The following SGCD variants were observed in gnomAD, a reference collection of about 807,000 sequenced individuals.
SGCD encodes sarcoglycan delta.
SGCD carries 18 observed loss-of-function variants against 36.6 expected under a neutral mutation model. The observed-to-expected ratio is 0.49, with a 90% CI of 0.34 to 0.73. The LOEUF (loss-of-function observed/expected upper bound fraction) is 0.73. Among genes scored for constraint, SGCD ranks in the 30% least tolerant of loss-of-function variants. The pLI is 0.01. For synonymous variants in SGCD, 133 were observed against 130.6 expected (o/e 1.02, Z -0.12); for missense variants, 387 against 346.7 (o/e 1.12, Z -0.92).
chr5:156,003,335 G>A (rs1758698985), intron 1 of SGCD, among the ~76,000 whole-genome samples: 1 of 152,226 alleles, frequency 6.6e-6, no homozygotes, highest in Non-Finnish European at 1.5e-5. Flanking sequence ...ATAAAAGCTA[G>A]ATAGGTGTTT....
the SGCD span, among the ~76,000 whole-genome samples, chr5:155,816,452 G>C: frequency 6.6e-6 from 1 of 152,158 alleles, no homozygotes; most frequent in African/African-American, 2.4e-5. Context: ...TCATTATAAA[G>C]ATCTTCATCC....
intron 3 of SGCD, among the ~76,000 whole-genome samples, chr5:156,447,292 T>C (rs1384771155): frequency 1.3e-5 from 2 of 152,208 alleles, no homozygotes; most frequent in Admixed American, 1.3e-4. Flanking sequence ...AGTGACTATT[T>C]TGGATGCCCA....
intron 3 of SGCD, among the ~76,000 whole-genome samples, chr5:156,135,689 C>T (rs1412389894): frequency 1.3e-5 from 2 of 152,146 alleles, no homozygotes. Context: ...TATTAGGCTT[C>T]AGAAGCCAAG....
rs547946806 is a variant in SGCD, at chr5:156,710,018, T to C, written c.576-47563T>C. On this transcript the variant is annotated intron_variant, in intron 7 of 8. Transcript: ENST00000337851. ...CTTAGAAAGTCTTGAAGCCCTTGTT[T>C]AGCATTGCAGCTGTGGGATCTTGGG... Among the ~76,000 whole-genome samples, 13 of 152,190 alleles carry C rather than the reference T, an allele frequency of 8.5e-5. No individual in the cohort carries two copies. The East Asian group carries it at 2.1e-3, about 25-fold the overall frequency.
chr5:155,947,480 A>G (rs1231353809), intron 1 of SGCD, among the ~76,000 whole-genome samples: 1 of 152,124 alleles, frequency 6.6e-6, no homozygotes, highest in Non-Finnish European at 1.5e-5. Flanking sequence ...AACTTTCCTC[A>G]AAGTCTTAGA....
the SGCD span, among the ~76,000 whole-genome samples, chr5:155,757,252 A>G: frequency 5.9e-5 from 9 of 152,352 alleles, no homozygotes; most frequent in East Asian, 1.7e-3. Flanking sequence ...AATCTATAAT[A>G]ACAATGAGCC....
the SGCD span, among the ~76,000 whole-genome samples, chr5:155,758,387 T>C: frequency 2.0e-5 from 3 of 152,200 alleles, no homozygotes; most frequent in African/African-American, 7.2e-5. Context: ...AGTTTCTGTT[T>C]CCAAGTTATT....
At chr5:155,850,730 C>A in the SGCD span, among the ~76,000 whole-genome samples, 2 of 152,282 alleles carry the variant, frequency 1.3e-5, no homozygotes, top group South Asian at 4.1e-4. Flanking sequence ...TGCTCCTTGT[C>A]TTTCCTTTTG....
At chr5:155,981,080 T>G (rs1383133404) in intron 1 of SGCD, among the ~76,000 whole-genome samples, 1 of 152,036 alleles carries the variant, frequency 6.6e-6, no homozygotes, top group Admixed American at 6.5e-5. Flanking sequence ...GTGCAGCAGA[T>G]GGAGGAGGGC....
intron 1 of SGCD, among the ~76,000 whole-genome samples, chr5:155,920,584 G>A (rs1756855961): frequency 1.3e-5 from 2 of 152,174 alleles, no homozygotes; most frequent in Admixed American, 1.3e-4. Flanking sequence ...CCAGTATTTA[G>A]TTGCAACCAA....
chr5:156,753,545 T>C (rs1423190138), intron 7 of SGCD, among the ~76,000 whole-genome samples: 1 of 152,208 alleles, frequency 6.6e-6, no homozygotes, highest in African/African-American at 2.4e-5. Context: ...ATTTTATTAC[T>C]GCTATAAAGA....
chr5:156,024,906 C>T (rs1042053126), intron 1 of SGCD, among the ~76,000 whole-genome samples: 2 of 150,380 alleles, frequency 1.3e-5, no homozygotes, highest in African/African-American at 2.5e-5. Flanking sequence ...TGCAGTGAGC[C>T]GAGATCGTGC....
chr5:156,209,874 C>T (rs917194688), intron 3 of SGCD, among the ~76,000 whole-genome samples: 3 of 152,100 alleles, frequency 2.0e-5, no homozygotes, highest in African/African-American at 7.2e-5. Flanking sequence ...CACCCAAGAC[C>T]CAGACCTGCC....
At chr5:155,940,410 T>C (rs1757297912) in intron 1 of SGCD, among the ~76,000 whole-genome samples, 1 of 152,220 alleles carries the variant, frequency 6.6e-6, no homozygotes, top group Admixed American at 6.5e-5. Context: ...ATATTCTAGA[T>C]GTGTGAGCCT....
chr5:156,183,006 A>C (rs971423884), intron 3 of SGCD, among the ~76,000 whole-genome samples: 1 of 152,182 alleles, frequency 6.6e-6, no homozygotes, highest in Non-Finnish European at 1.5e-5. Flanking sequence ...TAGGCCAGGC[A>C]TGGTGGCTCA....
intron 6 of SGCD, among the ~76,000 whole-genome samples, chr5:156,645,566 G>C (rs1413934975): frequency 1.3e-5 from 2 of 152,164 alleles, no homozygotes; most frequent in African/African-American, 4.8e-5. Context: ...AGCATGTAAA[G>C]GAGGGACTTA....
intron 2 of SGCD, among the ~76,000 whole-genome samples, chr5:156,122,686 C>T (rs1195168426): frequency 6.6e-6 from 1 of 151,216 alleles, no homozygotes; most frequent in African/African-American, 2.4e-5. Context: ...ACAACTTTAA[C>T]TTTGAGTCTG....
At chr5:156,206,574 A>G (rs1282857112) in intron 3 of SGCD, among the ~76,000 whole-genome samples, 1 of 152,062 alleles carries the variant, frequency 6.6e-6, no homozygotes, top group Non-Finnish European at 1.5e-5. Flanking sequence ...TGTAAACTTT[A>G]TTATTAATTA....
At chr5:156,354,249 C>A (rs2127724913) in intron 3 of SGCD, among the ~76,000 whole-genome samples, 1 of 152,192 alleles carries the variant, frequency 6.6e-6, no homozygotes. Flanking sequence ...TGGATAAGGC[C>A]TTTTGTGTGG....
Sources: allele counts gnomAD v4.1 joint callset (sites outside exome capture counted in the v4.1 genomes callset), GRCh38; gene constraint gnomAD v4.1.1; transcripts MANE v1.5; gene names NCBI Gene and HGNC (gene_info 2026-07-23, HGNC 2026-07-21).